The following ITPR1 variants were observed in gnomAD, a reference collection of about 807,000 sequenced individuals.
ITPR1 encodes the protein inositol 1,4,5-trisphosphate receptor type 1.
In ITPR1, 96 loss-of-function variants were observed where a neutral mutation model predicts 318.4. That is an observed-to-expected ratio of 0.30 (90% confidence interval 0.26 to 0.36). The LOEUF is 0.36. Among genes scored for constraint, ITPR1 ranks in the 10% least tolerant of loss-of-function variants. The pLI is 1.00. For synonymous variants in ITPR1, 1,312 were observed against 1,289.9 expected, an observed-to-expected ratio of 1.02 and a Z score of -0.37; for missense variants, 2,440 against 3,460.2, an observed-to-expected ratio of 0.71 and a Z score of 7.40.
chr3:4,765,515 G>A (rs11715842), intron 44 of ITPR1, among the ~76,000 whole-genome samples: 44,552 of 151,930 alleles, frequency 0.29, 7,013 homozygotes, highest in Non-Finnish European at 0.35. Context: ...AGAGTAAGGT[G>A]GCTTCAAGAA....
At chr3:4,604,553 A>C (rs770046022) in intron 4 of ITPR1, among the ~76,000 whole-genome samples, 2 of 152,158 alleles carry the variant, frequency 1.3e-5, no homozygotes, top group African/African-American at 4.8e-5. Flanking sequence ...AATGACAAGC[A>C]ATGTAAAGGA....
At chr3:4,550,785 CA>C (rs2085486557) in intron 4 of ITPR1, among the ~76,000 whole-genome samples, 2 of 151,806 alleles carry the variant, frequency 1.3e-5, no homozygotes, top group African/African-American at 4.8e-5. Flanking sequence ...GAGGCTAAGG[CA>C]GGAGGCTCAT....
rs2081731561 is a variant in ITPR1 at position 4,510,508 on chromosome 3, A to T, written c.-16-5968A>T. Among the ~76,000 whole-genome samples the T allele has an allele frequency of 2.6e-5, 4 of 152,184 alleles. 1 individual carries two copies. In the South Asian group the frequency reaches 8.3e-4, roughly 31 times the overall value. On this transcript the variant is annotated intron_variant, in intron 2 of 61. Coordinates refer to ENST00000649015, the MANE Select transcript of ITPR1 (RefSeq NM_001378452.1). Reference sequence around the variant, plus strand: ...GCAAGGGAACTAGAAGAATCAAGAGATATAGTAAAGCTTAAAGTCAGCAAA... The same window carrying T: ...GCAAGGGAACTAGAAGAATCAAGAGTTATAGTAAAGCTTAAAGTCAGCAAA...
intron 61 of ITPR1, among the ~76,000 whole-genome samples, chr3:4,845,755 T>TAAAC (rs996167838): frequency 2.0e-5 from 3 of 152,266 alleles, no homozygotes; most frequent in African/African-American, 7.2e-5. Context: ...CCTAGGATTC[T>TAAAC]AAACACTGCT....
chr3:4,669,467 T>G (rs2094024884), intron 18 of ITPR1, among the ~76,000 whole-genome samples, 187 bp from the exon 19 acceptor site: 1 of 152,198 alleles, frequency 6.6e-6, no homozygotes, highest in Non-Finnish European at 1.5e-5. Flanking sequence ...TCCTTCTTGT[T>G]TCCTCTTCCT....
chr3:4,646,086 A>G (rs919026490), intron 10 of ITPR1: 2 of 210,546 alleles, frequency 9.5e-6, no homozygotes, highest in Admixed American at 1.0e-4. Context: ...AATCCCTTCT[A>G]TTGTTTTCTT....
chr3:4,701,583 G>T (rs3828435), intron 35 of ITPR1, among the ~76,000 whole-genome samples: 9 of 152,092 alleles, frequency 5.9e-5, no homozygotes, highest in Non-Finnish European at 7.4e-5. Flanking sequence ...GATTCTGGCT[G>T]CCAGGTGAAC....
chr3:4,545,617 G>A (rs1454480498), intron 4 of ITPR1, among the ~76,000 whole-genome samples: 1 of 133,768 alleles, frequency 7.5e-6, no homozygotes, highest in African/African-American at 3.1e-5. Context: ...AACGGGACCC[G>A]GTCTCAAAAA....
intron 44 of ITPR1, among the ~76,000 whole-genome samples, chr3:4,762,463 G>T (rs1253259301): frequency 1.3e-5 from 2 of 152,176 alleles, no homozygotes; most frequent in African/African-American, 2.4e-5. Context: ...CTGAGATCCA[G>T]GCCTTTCTGA....
intron 44 of ITPR1, among the ~76,000 whole-genome samples, chr3:4,746,661 G>T (rs1286390483): frequency 1.3e-5 from 2 of 152,226 alleles, no homozygotes; most frequent in Non-Finnish European, 2.9e-5. Context: ...TCCCCTCGAG[G>T]AGCCTCCACA....
chr3:4,539,799 C>T (rs192737673), intron 4 of ITPR1, among the ~76,000 whole-genome samples: 71 of 152,240 alleles, frequency 4.7e-4, no homozygotes, highest in South Asian at 1.2e-3. Context: ...GCCCCATCGC[C>T]ATGGGATACC....
chr3:4,812,584 G>A (rs572758188), intron 56 of ITPR1, among the ~76,000 whole-genome samples: 4 of 152,260 alleles, frequency 2.6e-5, no homozygotes, highest in African/African-American at 9.6e-5. Context: ...TAGTTGGCCC[G>A]ACTTAGTGAA....
At chr3:4,834,626 A>G (rs1238955543) in intron 60 of ITPR1, among the ~76,000 whole-genome samples, 1 of 152,094 alleles carries the variant, frequency 6.6e-6, no homozygotes, top group Non-Finnish European at 1.5e-5. Context: ...AGAGTTGCAT[A>G]GTCCTTGAAC....
chr3:4,766,001 T>C (rs1470951949), intron 44 of ITPR1, among the ~76,000 whole-genome samples: 11 of 152,262 alleles, frequency 7.2e-5, no homozygotes, highest in Admixed American at 7.2e-4. Flanking sequence ...TATAATTGTG[T>C]AGCTACCTGA....
In ITPR1 at chr3:4,598,087, A is replaced by G. The variant is rs376882642; in HGVS notation, c.164-29676A>G. On this transcript the variant is annotated intron_variant, in intron 4 of 61. Coordinates refer to ENST00000649015, the MANE Select transcript of ITPR1 (RefSeq NM_001378452.1). ...CACATGGCATGGGCCTTTAGCACCT[A>G]TGCAGGGTCTATGGGGCCTTGCATG... is the stretch of plus-strand genomic sequence containing the variant. Among the ~76,000 whole-genome samples, 28 of 152,328 alleles carry G rather than the reference A, an allele frequency of 1.8e-4. 2 individuals are homozygous for G. The South Asian group carries it at 5.8e-3, about 32-fold the overall frequency.
In ITPR1 at chr3:4,686,623, G is replaced by A. The variant is rs115212884; in HGVS notation, c.3702+1417G>A. ...CTCAAAGGAAGAATATCATGTGTGT[G>A]TATATCTGTGTGTGTACATGTGCAC... is the stretch of plus-strand genomic sequence containing the variant. On this transcript the variant is annotated intron_variant, in intron 30 of 61. Coordinates refer to ENST00000649015, the MANE Select transcript of ITPR1 (RefSeq NM_001378452.1). 5.0e-3 allele frequency among the ~76,000 whole-genome samples: 759 copies of A among 152,338 alleles called. 7 individuals carry two copies. Among genetic ancestry groups the A allele is most frequent in the Middle Eastern group, 0.024 (7 of 294 alleles).
chr3:4,717,652 G>A (rs999474255), intron 40 of ITPR1, among the ~76,000 whole-genome samples: 3 of 152,120 alleles, frequency 2.0e-5, no homozygotes, highest in Non-Finnish European at 2.9e-5. Context: ...GATTTTAATT[G>A]TTCACTGTCT....
intron 31 of ITPR1, among the ~76,000 whole-genome samples, chr3:4,690,557 T>C (rs1343563154): frequency 6.6e-6 from 1 of 152,224 alleles, no homozygotes; most frequent in Admixed American, 6.5e-5. Context: ...AACATACTCA[T>C]ACTTTGTGAC....
rs1351968059 is a variant in ITPR1, at chr3:4,662,217, G to A, written c.1387G>A (p.Gly463Ser). 1 of 1,611,090 alleles carries A rather than the reference G, an allele frequency of 6.2e-7. No homozygotes were observed. The highest frequency in any genetic ancestry group is 8.5e-7 in the Non-Finnish European group (1 of 1,178,134). Residue 463 changes from glycine to serine, a missense_variant, in exon 15 of 62, where the codon GGC (glycine) becomes AGC (serine). Around this residue, in one of 23 missense-constraint regions of ITPR1, gnomAD observed 478 missense variants for 696.3 expected, o/e 0.69. Transcript: ENST00000649015. ...CTCCATTGCTGGGAAGCTAGAGAAGGGCACCATCACCCAGAATGAAAGGAG... is the reference window on the plus strand; with the variant it reads ...CTCCATTGCTGGGAAGCTAGAGAAGAGCACCATCACCCAGAATGAAAGGAG... The part of the protein sequence containing the change: ...LGSIAGKLEK[G>S]TITQNERRSV...
Sources: allele counts gnomAD v4.1 joint callset (sites outside exome capture counted in the v4.1 genomes callset), GRCh38; gene constraint gnomAD v4.1.1; regional missense constraint gnomAD v4.1.1; transcripts MANE v1.5; gene names NCBI Gene and HGNC (gene_info 2026-07-23, HGNC 2026-07-21).